The following CDC14A variants were observed in gnomAD, a reference collection of about 807,000 sequenced individuals.
CDC14A encodes cell division cycle 14A, also known as dual specificity protein phosphatase CDC14A.
In CDC14A, 53 loss-of-function variants were observed where a neutral mutation model predicts 74.4. The observed-to-expected ratio is 0.71, with a 90% CI of 0.57 to 0.89. CDC14A has a LOEUF of 0.89. Among genes scored for constraint, CDC14A ranks in the 40% least tolerant of loss-of-function variants. The probability of loss-of-function intolerance (pLI) is 0.00; values close to 1 mark genes in which losing one functional copy is unlikely to be tolerated. For missense variants in CDC14A, 646 were observed against 713.7 expected, an observed-to-expected ratio of 0.91 and a Z score of 1.08; for synonymous variants, 247 against 258.4, an observed-to-expected ratio of 0.96 and a Z score of 0.43.
intron 3 of CDC14A, among the ~76,000 whole-genome samples, chr1:100,385,196 T>G (rs1347860368): frequency 6.6e-6 from 1 of 152,224 alleles, no homozygotes; most frequent in African/African-American, 2.4e-5. Context: ...ATATAAAAGA[T>G]TCCCAGGGGT....
rs1648681268 is a variant in CDC14A, at chr1:100,501,183, T to C, written c.1755+1921T>C. On this transcript the variant is annotated intron_variant, in intron 15 of 15. Coordinates refer to ENST00000336454, the MANE Select transcript of CDC14A (RefSeq NM_003672.4). ...AAGGATTAGATGTAAAAAGATAATA[T>C]ATTTACATTTTCCTAACTATATTTA... 3.9e-5 allele frequency among the ~76,000 whole-genome samples: 6 copies of C among 152,178 alleles called. No homozygotes were observed. The South Asian group carries it at 1.2e-3, about 31-fold the overall frequency.
chr1:100,430,838 C>T (rs1019836465), intron 5 of CDC14A, among the ~76,000 whole-genome samples: 1 of 152,162 alleles, frequency 6.6e-6, no homozygotes, highest in African/African-American at 2.4e-5. Flanking sequence ...AATATTTTAT[C>T]CTCTTTTAAG....
chr1:100,436,877 A>G (rs1461066112), intron 5 of CDC14A, among the ~76,000 whole-genome samples: 1 of 152,196 alleles, frequency 6.6e-6, no homozygotes, highest in Non-Finnish European at 1.5e-5. Flanking sequence ...CATTTAAAAA[A>G]CAAAAGCCTT....
At chr1:100,430,744 G>A (rs536654511) in intron 5 of CDC14A, among the ~76,000 whole-genome samples, 3 of 152,216 alleles carry the variant, frequency 2.0e-5, no homozygotes, top group African/African-American at 4.8e-5. Flanking sequence ...GATTTTTGTC[G>A]AAGTTTGTTT....
At chr1:100,383,668 G>A (rs1256564985) in intron 3 of CDC14A, 3 of 152,504 alleles carry the variant, frequency 2.0e-5, no homozygotes, top group South Asian at 2.1e-4. Flanking sequence ...TGGTCATTGC[G>A]GTCCCTGTGC....
chr1:100,382,614 C>T (rs927048990), intron 3 of CDC14A, among the ~76,000 whole-genome samples: 1 of 151,744 alleles, frequency 6.6e-6, no homozygotes, highest in Non-Finnish European at 1.5e-5. Flanking sequence ...AAAAAAGTCT[C>T]TGAAAAAAGG....
chr1:100,364,445 C>T (rs746289123), intron 2 of CDC14A, among the ~76,000 whole-genome samples: 1 of 151,940 alleles, frequency 6.6e-6, no homozygotes, highest in Admixed American at 6.6e-5. Context: ...ATCTCTTGAC[C>T]TCGTGATCCG....
intron 15 of CDC14A, chr1:100,499,603 T>C: frequency 1.7e-6 from 1 of 603,446 alleles, no homozygotes; most frequent in South Asian, 3.2e-5. Flanking sequence ...CCAATCACTC[T>C]GAATATCTGG....
intron 2 of CDC14A, among the ~76,000 whole-genome samples, chr1:100,367,894 G>A (rs921911023): frequency 6.6e-6 from 1 of 152,184 alleles, no homozygotes; most frequent in East Asian, 1.9e-4. Context: ...TTGGATAGCA[G>A]CCTACTCTTA....
At chr1:100,449,322 C>G (rs1011865968) in intron 7 of CDC14A, among the ~76,000 whole-genome samples, 11 of 152,262 alleles carry the variant, frequency 7.2e-5, no homozygotes, top group South Asian at 4.2e-4. Context: ...AAAATTAAGT[C>G]TGATTATATC....
intron 15 of CDC14A, chr1:100,504,714 T>C (rs1057248695): frequency 4.7e-6 from 4 of 847,852 alleles, no homozygotes; most frequent in Non-Finnish European, 7.6e-6. Flanking sequence ...ATACTGACTT[T>C]CTTTGTTGAG....
At chr1:100,367,716 G>A (rs1016341908) in intron 2 of CDC14A, among the ~76,000 whole-genome samples, 1 of 152,120 alleles carries the variant, frequency 6.6e-6, no homozygotes, top group African/African-American at 2.4e-5. Context: ...TTTTTTTAGT[G>A]TAACTTGAAG....
At chr1:100,436,593 T>C (rs1321005302) in intron 5 of CDC14A, among the ~76,000 whole-genome samples, 2 of 151,982 alleles carry the variant, frequency 1.3e-5, no homozygotes, top group African/African-American at 4.8e-5. Context: ...CCTGGCTAAT[T>C]TTTATATTTT....
chr1:100,350,992 G>C (rs564506714), upstream of CDC14A, among the ~76,000 whole-genome samples: 4 of 152,264 alleles, frequency 2.6e-5, no homozygotes, highest in South Asian at 8.3e-4. Flanking sequence ...TCAGGAACTG[G>C]AGACGAGCCT....
At chr1:100,474,220 C>A (rs1030827919) in intron 10 of CDC14A, among the ~76,000 whole-genome samples, 2 of 152,008 alleles carry the variant, frequency 1.3e-5, no homozygotes, top group African/African-American at 2.4e-5. Context: ...GTGTGTAATT[C>A]TTTTTATATA....
chr1:100,484,455 A>C lies in CDC14A; in HGVS notation c.1137+4A>C. The C allele has an allele frequency of 6.3e-7, 1 of 1,594,730 alleles. No individual in the cohort carries two copies. Among genetic ancestry groups the C allele is most frequent in the Non-Finnish European group, 8.5e-7 (1 of 1,173,090 alleles). On this transcript the variant is annotated splice_donor_region_variant and intron_variant, in intron 11 of 15. Coordinates refer to ENST00000336454, the MANE Select transcript of CDC14A (RefSeq NM_003672.4). ...AAACATGGAACGATTTGGAGAGGTA[A>C]GTTTTCCCTAGGAGATTCTATCTTC...
chr1:100,420,082 A>ATATATATATATATATATATATG, intron 4 of CDC14A, among the ~76,000 whole-genome samples: 1 of 105,550 alleles, frequency 9.5e-6, no homozygotes, highest in African/African-American at 3.3e-5. Context: ...ATATATATAT[A>ATATATATATATATATATATATG]GTGTGTATGT....
At chr1:100,356,613 T>C (rs1651920780) in intron 2 of CDC14A, among the ~76,000 whole-genome samples, 1 of 152,030 alleles carries the variant, frequency 6.6e-6, no homozygotes, top group Non-Finnish European at 1.5e-5. Context: ...CACAGCACTT[T>C]GGGAGGCCGA....
At chr1:100,451,400 G>A (rs1250012412) in intron 7 of CDC14A, among the ~76,000 whole-genome samples, 2 of 152,086 alleles carry the variant, frequency 1.3e-5, no homozygotes, top group East Asian at 1.9e-4. Context: ...CCACCACACC[G>A]TCTCCCTCAA....
Sources: allele counts gnomAD v4.1 joint callset (sites outside exome capture counted in the v4.1 genomes callset), GRCh38; gene constraint gnomAD v4.1.1; transcripts MANE v1.5; gene names NCBI Gene and HGNC (gene_info 2026-07-23, HGNC 2026-07-21).